PLA2R1: variants seen among roughly 807,000 people sequenced by gnomAD.
The protein encoded by PLA2R1 is phospholipase A2 receptor 1.
In PLA2R1, 158 loss-of-function variants were observed where a neutral mutation model predicts 195.9. The observed-to-expected ratio is 0.81, with a 90% confidence interval of 0.71 to 0.92. The LOEUF (loss-of-function observed/expected upper bound fraction) is 0.92. PLA2R1 is among the 40% of genes least tolerant of loss of function. PLA2R1 has a pLI of 0.00. For missense variants in PLA2R1, 1,626 were observed against 1,764.6 expected (o/e 0.92, Z 1.41); for synonymous variants, 586 against 598.2 (o/e 0.98, Z 0.30).
chr2:160,008,584 C>T (rs2667008), intron 10 of PLA2R1, among the ~76,000 whole-genome samples: 83,961 of 152,026 alleles, frequency 0.55, 23,560 homozygotes, highest in East Asian at 0.6. Flanking sequence ...AGAGCTAAAA[C>T]TATAAAACTC....
At chr2:159,960,820 A>G (rs1471580103) in intron 20 of PLA2R1, among the ~76,000 whole-genome samples, 4 of 152,362 alleles carry the variant, frequency 2.6e-5, no homozygotes, top group Admixed American at 6.5e-5. Context: ...TAATTTGCCA[A>G]CAAAGTGGGA....
intron 3 of PLA2R1, among the ~76,000 whole-genome samples, chr2:160,038,433 G>A (rs1186688675): frequency 6.6e-6 from 1 of 152,160 alleles, no homozygotes; most frequent in Non-Finnish European, 1.5e-5. Context: ...GCTGGAACGG[G>A]GACCACACAT....
chr2:159,967,060 G>A (rs893979291), intron 20 of PLA2R1, among the ~76,000 whole-genome samples: 2 of 152,002 alleles, frequency 1.3e-5, no homozygotes, highest in Admixed American at 6.6e-5. Flanking sequence ...GCTCTATGCC[G>A]GCTCCAGGCA....
Position 159,967,523 on chromosome 2 carries a change from T to C in PLA2R1, c.2904+16A>G, listed in dbSNP as rs766703969. On this transcript the variant is annotated intron_variant, in intron 20 of 29. Coordinates refer to ENST00000283243, the MANE Select transcript of PLA2R1 (RefSeq NM_007366.5). ...ACAAAAGAGAAACAAAGGCAACTTT[T>C]GAAAAACAAGCTTACCTTATAGTTA... The C allele has an allele frequency of 1.2e-5, 19 of 1,607,446 alleles. No homozygotes were observed. The highest frequency in any genetic ancestry group is 1.4e-5 in the Non-Finnish European group (17 of 1,177,164).
intron 6 of PLA2R1, among the ~76,000 whole-genome samples, chr2:160,025,148 C>T (rs986671951): frequency 3.3e-5 from 5 of 152,092 alleles, no homozygotes; most frequent in South Asian, 2.1e-4. Context: ...GTTCAAATAC[C>T]GTAATGGTGG....
chr2:159,987,386 T>G (rs1380741173), intron 11 of PLA2R1, 28 bp from the exon 12 acceptor site: 1 of 1,541,166 alleles, frequency 6.5e-7, no homozygotes, highest in Non-Finnish European at 8.9e-7. Flanking sequence ...GCATTTTTAA[T>G]ACCAGACGAC....
intron 24 of PLA2R1, 94 bp downstream of exon 24, chr2:159,951,246 T>C: frequency 2.7e-6 from 2 of 738,596 alleles, no homozygotes; most frequent in Non-Finnish European, 4.7e-6. Context: ...TTTGGGATCT[T>C]TTTTTCAGTG....
chr2:159,960,986 T>G (rs973135327), intron 20 of PLA2R1, among the ~76,000 whole-genome samples: 1 of 152,228 alleles, frequency 6.6e-6, no homozygotes, highest in Non-Finnish European at 1.5e-5. Flanking sequence ...TCTGTAGCTT[T>G]ATTTGTTAAT....
intron 17 of PLA2R1, among the ~76,000 whole-genome samples, chr2:159,973,954 G>A (rs542882828): frequency 2.6e-5 from 4 of 151,958 alleles, no homozygotes; most frequent in Admixed American, 1.3e-4. Context: ...TGCTCAGCCT[G>A]TGGGGTTTCG....
rs553889428 is a variant in PLA2R1 at position 159,965,402 on chromosome 2, G to A, written c.2904+2137C>T. 2.0e-5 allele frequency among the ~76,000 whole-genome samples: 3 copies of A among 152,218 alleles called. No individual in the cohort carries two copies. The South Asian group carries it at 6.2e-4, about 32-fold the overall frequency. Reference sequence around the variant, plus strand: ...CATATAGTTGGAATCATACAGTATTGTAGGCTTTTCAGATTGGCTTCTTTC... The same window carrying A: ...CATATAGTTGGAATCATACAGTATTATAGGCTTTTCAGATTGGCTTCTTTC... On this transcript the variant is annotated intron_variant, in intron 20 of 29. Coordinates refer to ENST00000283243, the MANE Select transcript of PLA2R1 (RefSeq NM_007366.5).
At chr2:160,061,336 C>T (rs1258586077) in intron 1 of PLA2R1, among the ~76,000 whole-genome samples, 2 of 152,216 alleles carry the variant, frequency 1.3e-5, no homozygotes, top group Non-Finnish European at 2.9e-5. Context: ...TCTCTTTACA[C>T]AACCTTCTGA....
At chr2:159,994,022 C>T (rs371539899) in intron 11 of PLA2R1, among the ~76,000 whole-genome samples, 2 of 151,748 alleles carry the variant, frequency 1.3e-5, no homozygotes, top group East Asian at 1.9e-4. Flanking sequence ...GAAGAAACCC[C>T]TAATGAGTCA....
intron 17 of PLA2R1, among the ~76,000 whole-genome samples, chr2:159,972,892 A>C (rs1689281171): frequency 6.6e-6 from 1 of 152,172 alleles, no homozygotes; most frequent in Non-Finnish European, 1.5e-5. Context: ...TCTTTTTCCA[A>C]GATGGAAACA....
At chr2:160,016,411 T>C (rs1692756441) in intron 9 of PLA2R1, among the ~76,000 whole-genome samples, 1 of 148,188 alleles carries the variant, frequency 6.7e-6, no homozygotes, top group African/African-American at 2.5e-5. Flanking sequence ...AAAGTAATCC[T>C]GTGTAGAAGA....
rs1686632897 is a variant in PLA2R1 at position 159,932,579 on chromosome 2, T to C, written c.*9199A>G. Reference sequence around the variant, plus strand: ...TATCTCTCCGTCCCCCAAGTTCTGATGTCCACAGGGACAAGAACCCACTGT... The same window carrying C: ...TATCTCTCCGTCCCCCAAGTTCTGACGTCCACAGGGACAAGAACCCACTGT... On this transcript the variant is annotated 3_prime_UTR_variant, in exon 30 of 30. Transcript: ENST00000283243. 6.6e-6 allele frequency: 1 copy of C among 152,298 alleles called. No individual in the cohort carries two copies. The highest frequency in any genetic ancestry group is 2.4e-5 in the African/African-American group (1 of 41,476). 9.4% of individuals were successfully genotyped at this position (152,298 alleles called of 1,614,324 possible). A position where few individuals can be genotyped will look rare whatever the true frequency, so the allele number is the denominator to read the frequency against.
At chr2:159,968,232 C>CTT (rs56771818) in intron 19 of PLA2R1, among the ~76,000 whole-genome samples, 1 of 142,366 alleles carries the variant, frequency 7.0e-6, no homozygotes, top group African/African-American at 2.6e-5. Flanking sequence ...AAACTAACTG[C>CTT]TTTTTTTTTT....
intron 20 of PLA2R1, among the ~76,000 whole-genome samples, chr2:159,961,610 A>G (rs1688445835): frequency 6.6e-6 from 1 of 152,170 alleles, no homozygotes; most frequent in Non-Finnish European, 1.5e-5. Context: ...GGCTAGCTTC[A>G]GAAGGCGCCT....
chr2:159,967,634 A>C lies in PLA2R1; in HGVS notation c.2809T>G (p.Cys937Gly). The change falls in exon 20 of 30, where the codon TGT (cysteine) becomes GGT (glycine). Residue 937 changes from cysteine to glycine, a missense_variant. Physicochemically the swap from Cys to Gly is radical, Grantham distance 159. Coordinates refer to ENST00000283243, the MANE Select transcript of PLA2R1 (RefSeq NM_007366.5). ...ATGAGCCAAACCTTTTTTCGCTTACAGATACTAGGCATAGAAACTGAACAC... is the reference window on the plus strand; with the variant it reads ...ATGAGCCAAACCTTTTTTCGCTTACCGATACTAGGCATAGAAACTGAACAC... The part of the protein sequence containing the change: ...EECSVSMPSI[C>G]KRKKVWLIEK... 6.2e-7 allele frequency: 1 copy of C among 1,613,786 alleles called. No individual in the cohort carries two copies. The highest frequency in any genetic ancestry group is 8.5e-7 in the Non-Finnish European group (1 of 1,179,732).
intron 3 of PLA2R1, among the ~76,000 whole-genome samples, chr2:160,033,996 A>G (rs1694018485): frequency 1.3e-5 from 2 of 152,204 alleles, no homozygotes; most frequent in African/African-American, 4.8e-5. Flanking sequence ...GTGATTCCCA[A>G]AGTAAGACAA....
Sources: gnomAD v4.1 joint callset for allele counts (sites outside exome capture counted in the v4.1 genomes callset) on GRCh38, gnomAD v4.1.1 for gene constraint, MANE v1.5 for transcripts, NCBI Gene and HGNC (gene_info 2026-07-23, HGNC 2026-07-21) for gene names.